The following ZFP90 variants were observed in gnomAD, a reference collection of about 807,000 sequenced individuals.
ZFP90 encodes zinc finger protein 90 homolog.
In ZFP90, 38 loss-of-function variants were observed where a neutral mutation model predicts 60.8. That is an observed-to-expected ratio of 0.62 (90% CI 0.48 to 0.82). The LOEUF (loss-of-function observed/expected upper bound fraction) is 0.82. ZFP90 is among the 40% of genes least tolerant of loss of function. ZFP90 has a pLI of 0.00. For missense variants in ZFP90, 711 were observed against 759.1 expected (o/e 0.94, Z 0.74); for synonymous variants, 287 against 264.8 (o/e 1.08, Z -0.82).
At chr16:68,533,756 T>A (rs891943649) in exon 2 of ZFP90, 1 of 152,198 alleles carries the variant, frequency 6.6e-6, no homozygotes, top group African/African-American at 2.4e-5. Context: ...TACTGCAACC[T>A]CCACCTCCCA....
intron 2 of ZFP90, among the ~76,000 whole-genome samples, chr16:68,546,439 C>G (rs2091151256): frequency 6.6e-6 from 1 of 152,192 alleles, no homozygotes; most frequent in Non-Finnish European, 1.5e-5. Context: ...TCAGCCCGTG[C>G]AACTACCATT....
upstream of ZFP90, chr16:68,535,654 G>A (rs924472041): frequency 4.0e-5 from 6 of 151,584 alleles, no homozygotes; most frequent in African/African-American, 1.5e-4. Flanking sequence ...CAGTCTCTAC[G>A]GAGACTGAAA....
intron 2 of ZFP90, 44 bp downstream of exon 2, chr16:68,539,869 T>A: frequency 1.9e-6 from 3 of 1,595,216 alleles, no homozygotes; most frequent in Non-Finnish European, 2.6e-6. Flanking sequence ...CATCCATCTA[T>A]CCATCCCATC....
chr16:68,558,281 C>T, intron 3 of ZFP90, 157 bp downstream of exon 3: 1 of 1,267,896 alleles, frequency 7.9e-7, no homozygotes, highest in Non-Finnish European at 1.1e-6. Flanking sequence ...GGGTTTTGAG[C>T]CTGCTCTTTA....
downstream of ZFP90, among the ~76,000 whole-genome samples, chr16:68,570,788 C>CT (rs924644923): frequency 2.1e-3 from 318 of 151,134 alleles, 1 homozygote; most frequent in African/African-American, 6.6e-3. Flanking sequence ...CACAGTGACC[C>CT]TTTTTTTTTC....
chr16:68,554,302 A>G (rs1236039601), intron 2 of ZFP90, among the ~76,000 whole-genome samples: 2 of 151,680 alleles, frequency 1.3e-5, no homozygotes, highest in Non-Finnish European at 2.9e-5. Context: ...TTGTATTTTT[A>G]GTAGAGACGG....
At position 68,563,637 on chromosome 16, in the gene ZFP90, T is replaced by C. The variant is rs1341663536; in HGVS notation, c.850T>C (p.Cys284Arg). 1 of 1,614,156 alleles carries C rather than the reference T, an allele frequency of 6.2e-7. No homozygotes were observed. Among genetic ancestry groups the C allele is most frequent in the Admixed American group, 1.7e-5 (1 of 60,020 alleles). Residue 284 changes from cysteine to arginine, a missense_variant, in exon 5 of 5, where the codon TGC (cysteine) becomes CGC (arginine). By Grantham distance (180) the Cys-to-Arg change is radical. Around this residue, in one of 5 missense-constraint regions of ZFP90, gnomAD observed 146 missense variants for 201.4 expected, o/e 0.73. Transcript: ENST00000563169. ...TCACACTGGGGAGAAACCCTTTGAA[T>C]GCAATGTATGTGGAAAGGCCTTCAG... ...RIHTGEKPFE[C>R]NVCGKAFRHS...
At chr16:68,539,655 C>T (rs1424256390) in intron 1 of ZFP90, 103 bp from the exon 2 acceptor site, 2 of 927,934 alleles carry the variant, frequency 2.2e-6, no homozygotes, top group South Asian at 1.9e-5. Context: ...TCCTCGCCAC[C>T]ATCTCCCCTG....
At chr16:68,542,104 G>C (rs1009739764) in intron 2 of ZFP90, among the ~76,000 whole-genome samples, 1 of 152,168 alleles carries the variant, frequency 6.6e-6, no homozygotes, top group Non-Finnish European at 1.5e-5. Flanking sequence ...GGAATGCAAA[G>C]ATTAGTAATG....
rs938104643 is a variant in ZFP90 at position 68,565,086 on chromosome 16, T to C, written c.*388T>C. On this transcript the variant is annotated 3_prime_UTR_variant, in exon 5 of 5. Coordinates refer to ENST00000563169, the MANE Select transcript of ZFP90 (RefSeq NM_001305203.2). ...CCCATTTTAAAAATTGCTTGACAAC[T>C]GCACTCAACTGCAGCTCTTACATTA... 57 of 996,128 alleles carry C rather than the reference T, an allele frequency of 5.7e-5. No homozygotes were observed. The highest frequency in any genetic ancestry group is 6.7e-5 in the Non-Finnish European group (56 of 837,020). The allele number at this position is 996,128 out of a possible 1,614,324, so 61.7% of individuals were successfully genotyped here. A position where few individuals can be genotyped will look rare whatever the true frequency, so the allele number is the denominator to read the frequency against.
At chr16:68,546,114 G>A (rs2091145198) in intron 2 of ZFP90, among the ~76,000 whole-genome samples, 2 of 152,326 alleles carry the variant, frequency 1.3e-5, no homozygotes, top group African/African-American at 4.8e-5. Context: ...GGTGGAGGTT[G>A]CAGTGAGCTG....
chr16:68,546,960 A>C lies in ZFP90; in HGVS notation c.33+7135A>C, dbSNP rs138750350. ...TAAAAGCCTTTCTAAGGCTAAATAC[A>C]ATTCCATTTTGCTTATCCATTCATC... On this transcript the variant is annotated intron_variant, in intron 2 of 4. Transcript: ENST00000563169. Among the ~76,000 whole-genome samples, 4 of 152,320 alleles carry C rather than the reference A, an allele frequency of 2.6e-5. No homozygotes were observed. The East Asian group carries it at 7.7e-4, about 29-fold the overall frequency.
At chr16:68,545,759 G>A (rs1251391644) in intron 2 of ZFP90, among the ~76,000 whole-genome samples, 1 of 152,220 alleles carries the variant, frequency 6.6e-6, no homozygotes, top group Non-Finnish European at 1.5e-5. Flanking sequence ...AGCTTTTAGT[G>A]AGCAGAGATC....
At chr16:68,562,959 C>G in intron 4 of ZFP90, 85 bp from the exon 5 acceptor site, 1 of 1,571,912 alleles carries the variant, frequency 6.4e-7, no homozygotes, top group South Asian at 1.2e-5. Flanking sequence ...TCATATGTAA[C>G]TTATATGTCT....
intron 2 of ZFP90, among the ~76,000 whole-genome samples, chr16:68,546,970 T>C (rs1214767406): frequency 1.3e-5 from 2 of 152,258 alleles, no homozygotes; most frequent in Non-Finnish European, 2.9e-5. Context: ...AATTCCATTT[T>C]GCTTATCCAT....
At chr16:68,541,592 C>T (rs1055510821) in intron 2 of ZFP90, among the ~76,000 whole-genome samples, 5 of 152,020 alleles carry the variant, frequency 3.3e-5, no homozygotes, top group East Asian at 3.9e-4. Flanking sequence ...CCACCGGGCC[C>T]GGCCTGCGTT....
At chr16:68,549,800 T>C (rs1460106427) in intron 2 of ZFP90, among the ~76,000 whole-genome samples, 1 of 151,410 alleles carries the variant, frequency 6.6e-6, no homozygotes. Flanking sequence ...GTGGGGAAGC[T>C]TCAGGAGGGA....
chr16:68,564,741 T>C lies in ZFP90; in HGVS notation c.*43T>C, dbSNP rs772890260. 5 of 1,551,762 alleles carry C rather than the reference T, an allele frequency of 3.2e-6. No homozygotes were observed. In the South Asian group the frequency reaches 6.3e-5, roughly 20 times the overall value. ...AATTTGCAGAATGCTTTAGCTAAAA[T>C]GTTCTGATTCAGGATCAGAGGATTC... On this transcript the variant is annotated 3_prime_UTR_variant, in exon 5 of 5. Coordinates refer to ENST00000563169, the MANE Select transcript of ZFP90 (RefSeq NM_001305203.2).
downstream of ZFP90, among the ~76,000 whole-genome samples, chr16:68,576,311 C>G (rs1490942085): frequency 6.6e-6 from 1 of 152,140 alleles, no homozygotes; most frequent in African/African-American, 2.4e-5. Context: ...AGCCTTTTCC[C>G]CAGGGGTATC....
Sources: allele counts gnomAD v4.1 joint callset (sites outside exome capture counted in the v4.1 genomes callset), GRCh38; gene constraint gnomAD v4.1.1; regional missense constraint gnomAD v4.1.1; transcripts MANE v1.5; gene names NCBI Gene and HGNC (gene_info 2026-07-23, HGNC 2026-07-21).